Variants in PTPRT observed in about 807,000 individuals in gnomAD.
The protein encoded by PTPRT is protein tyrosine phosphatase receptor type T.
PTPRT carries 56 observed loss-of-function variants against 176.8 expected under a neutral mutation model. That is an observed-to-expected ratio of 0.32 (90% CI 0.26 to 0.40). PTPRT has a LOEUF of 0.40. Among genes scored for constraint, PTPRT ranks in the 10% least tolerant of loss-of-function variants. The probability of loss-of-function intolerance (pLI) is 1.00; values close to 1 mark genes in which losing one functional copy is unlikely to be tolerated. For synonymous variants in PTPRT, 783 were observed against 739.0 expected, an observed-to-expected ratio of 1.06 and a Z score of -0.96; for missense variants, 1,540 against 1,908.2, an observed-to-expected ratio of 0.81 and a Z score of 3.60.
At chr20:42,369,502 T>C (rs1179827801) in intron 9 of PTPRT, among the ~76,000 whole-genome samples, 1 of 152,166 alleles carries the variant, frequency 6.6e-6, no homozygotes, top group African/African-American at 2.4e-5. Context: ...GAGTCAATGG[T>C]GCTGTGGGAA....
chr20:42,469,598 C>T (rs531072420), intron 8 of PTPRT, among the ~76,000 whole-genome samples: 18 of 152,224 alleles, frequency 1.2e-4, no homozygotes, highest in Admixed American at 3.9e-4. Context: ...TGTCTGACAG[C>T]GCACAATTCT....
rs566623702 is a variant in PTPRT at position 42,327,940 on chromosome 20, G to A, written c.1866-11944C>T. 3.9e-5 allele frequency among the ~76,000 whole-genome samples: 6 copies of A among 152,096 alleles called. No individual in the cohort carries two copies. The East Asian group carries it at 9.7e-4, about 25-fold the overall frequency. ...CATATCAGGTACAGCGGATAAAAAT[G>A]ACAAAGGACACACATAAAAATCAAT... On this transcript the variant is annotated intron_variant, in intron 11 of 30. Coordinates refer to ENST00000373187, the MANE Select transcript of PTPRT (RefSeq NM_007050.6).
chr20:42,741,233 T>C (rs1031636995), intron 6 of PTPRT, among the ~76,000 whole-genome samples: 4 of 152,186 alleles, frequency 2.6e-5, no homozygotes, highest in Admixed American at 1.3e-4. Context: ...GTTGGCATCA[T>C]GGTTGATAAA....
intron 29 of PTPRT, among the ~76,000 whole-genome samples, chr20:42,082,302 T>A (rs760954927): frequency 6.6e-6 from 1 of 152,230 alleles, no homozygotes; most frequent in African/African-American, 2.4e-5. Flanking sequence ...ATTAGCTTGA[T>A]GTTTTCTTGG....
intron 13 of PTPRT, among the ~76,000 whole-genome samples, chr20:42,251,133 T>G (rs2056545047): frequency 6.6e-6 from 1 of 152,178 alleles, no homozygotes; most frequent in South Asian, 2.1e-4. Context: ...ATTTCCTCAA[T>G]ATTGATAGAG....
chr20:42,871,198 C>T (rs578112397), intron 2 of PTPRT, among the ~76,000 whole-genome samples: 1 of 151,860 alleles, frequency 6.6e-6, no homozygotes, highest in African/African-American at 2.4e-5. Context: ...GTGATCTGCC[C>T]ACCTCGGCCT....
At chr20:42,941,343 G>T (rs1980539213) in intron 1 of PTPRT, among the ~76,000 whole-genome samples, 1 of 152,110 alleles carries the variant, frequency 6.6e-6, no homozygotes, top group Non-Finnish European at 1.5e-5. Context: ...AAAGGACTTT[G>T]CATAGTACCT....
chr20:42,996,125 G>A (rs1358285780), intron 1 of PTPRT, among the ~76,000 whole-genome samples: 1 of 152,198 alleles, frequency 6.6e-6, no homozygotes, highest in South Asian at 2.1e-4. Flanking sequence ...CTGATTGCCA[G>A]GTGAAAGAAG....
intron 4 of PTPRT, among the ~76,000 whole-genome samples, chr20:42,778,842 A>G (rs1007404711): frequency 6.6e-6 from 1 of 152,204 alleles, no homozygotes; most frequent in Non-Finnish European, 1.5e-5. Flanking sequence ...CTGGGTCAAT[A>G]GAAACATTTC....
At chr20:42,389,466 A>T (rs1463652068) in intron 9 of PTPRT, among the ~76,000 whole-genome samples, 2 of 152,088 alleles carry the variant, frequency 1.3e-5, no homozygotes, top group Non-Finnish European at 2.9e-5. Context: ...GAAACTTATT[A>T]CCCTTGCAGC....
chr20:42,280,704 G>C (rs977648752), intron 13 of PTPRT, among the ~76,000 whole-genome samples: 6 of 152,180 alleles, frequency 3.9e-5, no homozygotes, highest in Non-Finnish European at 7.3e-5. Flanking sequence ...AAATGTCACT[G>C]CAATTCTCTT....
the PTPRT span, among the ~76,000 whole-genome samples, chr20:42,044,820 A>G: frequency 3.2e-4 from 49 of 152,322 alleles, no homozygotes; most frequent in African/African-American, 1.1e-3. Flanking sequence ...GAGGTCAGAG[A>G]TCTGACATGA....
At chr20:42,674,506 A>T (rs2075466683) in intron 7 of PTPRT, among the ~76,000 whole-genome samples, 2 of 152,228 alleles carry the variant, frequency 1.3e-5, no homozygotes. Flanking sequence ...AGTACTTTGA[A>T]TATCATTTAT....
rs796600194 is a variant in PTPRT at position 42,448,832 on chromosome 20, A to C, written c.1451-503T>G. Among the ~76,000 whole-genome samples, 2 of 151,060 alleles carry C rather than the reference A, an allele frequency of 1.3e-5. 1 individual carries two copies. Among genetic ancestry groups the C allele is most frequent in the African/African-American group, 4.9e-5 (2 of 40,910 alleles). On this transcript the variant is annotated intron_variant, in intron 8 of 30. Transcript: ENST00000373187. The stretch of plus-strand genomic sequence containing the variant: ...TTATTGTAGGCCACACATAAAATAC[A>C]CTAACACGAACGATAGTTCATGAGC...
intron 16 of PTPRT, among the ~76,000 whole-genome samples, chr20:42,173,932 TAGA>T (rs749002057): frequency 5.9e-5 from 9 of 152,278 alleles, no homozygotes; most frequent in Non-Finnish European, 1.3e-4. Context: ...CTTTGACCGG[TAGA>T]AGAATAACCC....
At chr20:42,422,901 A>G (rs6016787) in intron 9 of PTPRT, among the ~76,000 whole-genome samples, 3,249 of 152,270 alleles carry the variant, frequency 0.021, 128 homozygotes, top group African/African-American at 0.073. Context: ...GTAGGAACAC[A>G]GATGGCGGTG....
At chr20:42,648,973 C>T (rs1184422064) in intron 7 of PTPRT, among the ~76,000 whole-genome samples, 1 of 151,944 alleles carries the variant, frequency 6.6e-6, no homozygotes, top group Admixed American at 6.6e-5. Context: ...CACCTGCCAC[C>T]ATGCCTGGCT....
intron 14 of PTPRT, among the ~76,000 whole-genome samples, chr20:42,237,656 A>G (rs1405179851): frequency 6.6e-6 from 1 of 152,246 alleles, no homozygotes; most frequent in Non-Finnish European, 1.5e-5. Context: ...TCTCTTTCCA[A>G]TGTTCCTACT....
chr20:42,345,493 C>T (rs988495834), intron 11 of PTPRT, among the ~76,000 whole-genome samples: 5 of 145,936 alleles, frequency 3.4e-5, no homozygotes, highest in African/African-American at 7.6e-5. Flanking sequence ...TAGATATACA[C>T]ATATATATAA....
Sources: gnomAD v4.1 joint callset for allele counts (sites outside exome capture counted in the v4.1 genomes callset) on GRCh38, gnomAD v4.1.1 for gene constraint, MANE v1.5 for transcripts, NCBI Gene and HGNC (gene_info 2026-07-23, HGNC 2026-07-21) for gene names.